ROBO2: variants seen among roughly 807,000 people sequenced by gnomAD.
The protein encoded by ROBO2 is roundabout homolog 2.
A neutral mutation model predicts 160.8 loss-of-function variants in ROBO2; 53 were observed. The ratio of observed to expected loss-of-function variants is 0.33; its 90% CI spans 0.26 to 0.41. ROBO2 has a LOEUF of 0.41. Ranked by LOEUF, ROBO2 falls within the 10% of genes least tolerant of loss-of-function variation. ROBO2 has a pLI of 1.00. For missense variants in ROBO2, 1,577 were observed against 1,722.4 expected, an observed-to-expected ratio of 0.92 and a Z score of 1.49; for synonymous variants, 664 against 611.7, an observed-to-expected ratio of 1.09 and a Z score of -1.26.
chr3:76,716,685 A>G lies in ROBO2; in HGVS notation c.110-381329A>G, dbSNP rs144111600. On this transcript the variant is annotated intron_variant, in intron 2 of 26. Transcript: ENST00000487694. ...GCAGCTTGAGCCTTCTCTATAGACC[A>G]CTAATGATCATTAAAAATGAAACAG... Among the ~76,000 whole-genome samples the G allele has an allele frequency of 8.3e-3, 1,265 of 152,312 alleles. 14 individuals carry two copies. Among genetic ancestry groups the G allele is most frequent in the African/African-American group, 0.029 (1,205 of 41,564 alleles).
chr3:76,255,596 CA>C (rs368852026), intron 2 of ROBO2, among the ~76,000 whole-genome samples: 5,439 of 144,492 alleles, frequency 0.038, 118 homozygotes, highest in South Asian at 0.081. Flanking sequence ...TTTTACTATG[CA>C]AAAAAAAAAT....
At chr3:76,893,264 G>A (rs1434548532) in intron 2 of ROBO2, among the ~76,000 whole-genome samples, 1 of 151,230 alleles carries the variant, frequency 6.6e-6, no homozygotes, top group African/African-American at 2.4e-5. Flanking sequence ...CAGCAAGAAT[G>A]AGGGATAAAA....
rs1017861933 is a variant in ROBO2 at position 77,312,064 on chromosome 3, C to T, written c.389-165350C>T. Among the ~76,000 whole-genome samples the T allele has an allele frequency of 8.1e-4, 123 of 151,308 alleles. 1 individual carries two copies. The highest frequency in any genetic ancestry group is 3.2e-3 in the Middle Eastern group (1 of 314). On this transcript the variant is annotated intron_variant, in intron 2 of 25. Coordinates refer to ENST00000461745, the Ensembl canonical transcript of ROBO2. ...TCACCCCATTGCACTCCAGCCTCGGCGACACAGCGAGATTACATCTCAAAA... is the reference window on the plus strand; with the variant it reads ...TCACCCCATTGCACTCCAGCCTCGGTGACACAGCGAGATTACATCTCAAAA...
At chr3:77,411,531 G>A (rs1021669654) in intron 2 of ROBO2, among the ~76,000 whole-genome samples, 2 of 152,116 alleles carry the variant, frequency 1.3e-5, no homozygotes, top group African/African-American at 4.8e-5. Context: ...AGCTTGTTTT[G>A]AGCCATAATA....
At position 77,576,650 on chromosome 3, in the gene ROBO2, T is replaced by C. The variant is rs191578986; in HGVS notation, c.2204-840T>C. Among the ~76,000 whole-genome samples the C allele has an allele frequency of 2.6e-3, 394 of 152,246 alleles. 4 individuals carry two copies. Among genetic ancestry groups the C allele is most frequent in the African/African-American group, 9.0e-3 (374 of 41,554 alleles). On this transcript the variant is annotated intron_variant, in intron 14 of 25. Transcript: ENST00000461745. ...GCTTCTCTCTTGCCTTTTCTCAGTA[T>C]GGTTGTAATTAGTTATAGGAGAAAC...
chr3:76,117,093 C>T (rs57256614), intron 2 of ROBO2, among the ~76,000 whole-genome samples: 2,438 of 152,272 alleles, frequency 0.016, 67 homozygotes, highest in African/African-American at 0.055. Context: ...CTTTTTAAAA[C>T]ATTCTAATGT....
intron 2 of ROBO2, among the ~76,000 whole-genome samples, chr3:76,814,078 T>A (rs1232793920): frequency 6.6e-6 from 1 of 152,110 alleles, no homozygotes; most frequent in Non-Finnish European, 1.5e-5. Context: ...TAAAATGACA[T>A]TGTAGTTTTA....
chr3:75,935,873 A>T (rs552748658), intron 1 of ROBO2, among the ~76,000 whole-genome samples: 1 of 152,158 alleles, frequency 6.6e-6, no homozygotes, highest in East Asian at 1.9e-4. Flanking sequence ...CTCAGTCTCC[A>T]CAAGAGTACC....
intron 2 of ROBO2, among the ~76,000 whole-genome samples, chr3:76,133,114 C>T (rs536611069): frequency 1.1e-3 from 162 of 152,138 alleles, no homozygotes; most frequent in African/African-American, 3.8e-3. Context: ...TAAAATAAAA[C>T]TAAGTTATAT....
intron 2 of ROBO2, among the ~76,000 whole-genome samples, chr3:77,180,002 G>A (rs1418747750): frequency 1.4e-4 from 22 of 152,046 alleles, no homozygotes; most frequent in Non-Finnish European, 4.4e-5. Flanking sequence ...TTTGAGATGG[G>A]GAGGGAGTCG....
intron 2 of ROBO2, among the ~76,000 whole-genome samples, chr3:76,222,970 G>C (rs1455489742): frequency 6.6e-6 from 1 of 151,852 alleles, no homozygotes; most frequent in Non-Finnish European, 1.5e-5. Flanking sequence ...AGTCAGGCTG[G>C]TCTCAAGTTC....
Position 77,451,414 on chromosome 3 carries a change from T to A in ROBO2, c.389-26000T>A, listed in dbSNP as rs187873618. On this transcript the variant is annotated intron_variant, in intron 2 of 25. Transcript: ENST00000461745. Reference sequence around the variant, plus strand: ...TATTTTTCTTTGAATTCATATGCTTTTCACTATTTAGATCACTACCTTTGG... The same window carrying A: ...TATTTTTCTTTGAATTCATATGCTTATCACTATTTAGATCACTACCTTTGG... Among the ~76,000 whole-genome samples the A allele has an allele frequency of 6.9e-3, 1,046 of 152,274 alleles. 5 individuals carry two copies. Among genetic ancestry groups the A allele is most frequent in the Non-Finnish European group, 0.011 (780 of 68,000 alleles).
chr3:77,458,258 C>T (rs537775521), intron 2 of ROBO2, among the ~76,000 whole-genome samples: 53 of 152,258 alleles, frequency 3.5e-4, no homozygotes, highest in South Asian at 1.4e-3. Flanking sequence ...TAGCTGAAGA[C>T]GCAAGATTCT....
chr3:76,042,200 C>T (rs2067295069), intron 2 of ROBO2, among the ~76,000 whole-genome samples: 1 of 151,886 alleles, frequency 6.6e-6, no homozygotes, highest in Non-Finnish European at 1.5e-5. Context: ...TGTACTAATA[C>T]CTGATTAGTA....
At position 77,537,099 on chromosome 3, in the gene ROBO2, TG is replaced by T. The variant is rs63352561; in HGVS notation, c.935-9229del. Among the ~76,000 whole-genome samples, 95 of 127,818 alleles carry T rather than the reference TG, an allele frequency of 7.4e-4. 1 individual carries two copies. The highest frequency in any genetic ancestry group is 2.7e-3 in the East Asian group (11 of 4,142). The allele number at this position is 127,818 out of a possible 152,430, so 83.9% of individuals were successfully genotyped here. A position where few individuals can be genotyped will look rare whatever the true frequency, so the allele number is the denominator to read the frequency against. On this transcript the variant is annotated intron_variant, in intron 6 of 25. Coordinates refer to ENST00000461745, the Ensembl canonical transcript of ROBO2. ...TTTCATAAAACATATACATATTTTG[TG>T]GGGGGGGGGTGTATTACACTTACCA...
At chr3:77,094,967 T>C (rs1258896930) in intron 1 of ROBO2, among the ~76,000 whole-genome samples, 4 of 152,178 alleles carry the variant, frequency 2.6e-5, no homozygotes, top group Non-Finnish European at 5.9e-5. Flanking sequence ...TTGCAGATTA[T>C]TTTTCTGATT....
At chr3:76,491,371 A>G (rs2079816414) in intron 2 of ROBO2, among the ~76,000 whole-genome samples, 1 of 152,154 alleles carries the variant, frequency 6.6e-6, no homozygotes, top group Non-Finnish European at 1.5e-5. Context: ...ACTTGCATGC[A>G]CATACTATCA....
intron 2 of ROBO2, among the ~76,000 whole-genome samples, chr3:75,961,915 TAATC>T (rs1948928081): frequency 2.6e-5 from 4 of 151,500 alleles, no homozygotes; most frequent in Non-Finnish European, 1.5e-5. Flanking sequence ...ACAAAAACAT[TAATC>T]AATTGATTAA....
chr3:76,468,294 CATTGGA>C (rs2078464872), intron 2 of ROBO2, among the ~76,000 whole-genome samples: 1 of 152,078 alleles, frequency 6.6e-6, no homozygotes, highest in African/African-American at 2.4e-5. Context: ...CTACATTTGA[CATTGGA>C]ATCAATAAAG....
Sources: gnomAD v4.1 joint callset for allele counts (sites outside exome capture counted in the v4.1 genomes callset) on GRCh38, gnomAD v4.1.1 for gene constraint, MANE v1.5 for transcripts, NCBI Gene and HGNC (gene_info 2026-07-23, HGNC 2026-07-21) for gene names.